The following CSMD3 variants were observed in gnomAD, a reference collection of about 807,000 sequenced individuals.
CSMD3 encodes CUB and sushi domain-containing protein 3.
In CSMD3, 177 loss-of-function variants were observed where a neutral mutation model predicts 435.2. The observed-to-expected ratio is 0.41, with a 90% confidence interval of 0.36 to 0.46. CSMD3 has a LOEUF of 0.46. Ranked by LOEUF, CSMD3 falls within the 20% of genes least tolerant of loss-of-function variation. The probability of loss-of-function intolerance (pLI) is 0.34; values close to 1 mark genes in which losing one functional copy is unlikely to be tolerated. For missense variants in CSMD3, 4,265 were observed against 4,504.6 expected (o/e 0.95, Z 1.52); for synonymous variants, 1,656 against 1,520.5 (o/e 1.09, Z -2.07).
intron 6 of CSMD3, among the ~76,000 whole-genome samples, chr8:112,998,171 A>T (rs2085725763): frequency 6.6e-6 from 1 of 151,814 alleles, no homozygotes; most frequent in Admixed American, 6.6e-5. Flanking sequence ...TTATTCCTTG[A>T]GAATAATTTA....
At chr8:112,537,411 T>G (rs1402936062) in intron 27 of CSMD3, among the ~76,000 whole-genome samples, 1 of 151,420 alleles carries the variant, frequency 6.6e-6, no homozygotes, top group Non-Finnish European at 1.5e-5. Context: ...GAAAAAAAAT[T>G]GAGAGTGAAA....
chr8:113,160,072 CAATA>C (rs2092009299), intron 4 of CSMD3, among the ~76,000 whole-genome samples: 2 of 151,674 alleles, frequency 1.3e-5, no homozygotes, highest in Non-Finnish European at 3.0e-5. Context: ...TTGTAAATAA[CAATA>C]AGTGAGAAAT....
rs550499970 is a variant in CSMD3 at position 112,386,367 on chromosome 8, TA to T, written c.5935-2705del. On this transcript the variant is annotated intron_variant, in intron 36 of 70. Transcript: ENST00000297405. ...ACATTGTGAATGTAGTTTGGCATAATAAAAATATAAAGAGTGTAGAAGCAGA... is the reference window on the plus strand; with the variant it reads ...ACATTGTGAATGTAGTTTGGCATAATAAAATATAAAGAGTGTAGAAGCAGA... Among the ~76,000 whole-genome samples the T allele has an allele frequency of 3.0e-3, 451 of 152,156 alleles. 4 individuals are homozygous for T. Among genetic ancestry groups the T allele is most frequent in the African/African-American group, 0.01 (432 of 41,528 alleles).
At chr8:112,431,173 TATTGAC>T (rs1341465573) in intron 32 of CSMD3, among the ~76,000 whole-genome samples, 1 of 152,130 alleles carries the variant, frequency 6.6e-6, no homozygotes, top group Admixed American at 6.6e-5. Context: ...TACCTCTGGA[TATTGAC>T]ATTGATGTCT....
At chr8:113,382,899 T>G (rs866058687) in intron 1 of CSMD3, among the ~76,000 whole-genome samples, 28 of 152,266 alleles carry the variant, frequency 1.8e-4, no homozygotes, top group African/African-American at 6.3e-4. Flanking sequence ...GAGAATCCCT[T>G]GAACATGGCA....
chr8:112,903,147 T>G (rs2082152628), intron 10 of CSMD3, among the ~76,000 whole-genome samples: 1 of 107,608 alleles, frequency 9.3e-6, no homozygotes, highest in African/African-American at 3.8e-5. Context: ...GGTGGCAGTC[T>G]TGGCAAAAAA....
intron 1 of CSMD3, among the ~76,000 whole-genome samples, chr8:113,393,494 G>T (rs1029887401): frequency 3.9e-5 from 6 of 151,984 alleles, no homozygotes; most frequent in African/African-American, 1.2e-4. Context: ...TCATGATAAG[G>T]TACCTGCCAT....
intron 38 of CSMD3, among the ~76,000 whole-genome samples, chr8:112,380,059 A>G (rs1429609085): frequency 2.6e-5 from 4 of 152,178 alleles, no homozygotes; most frequent in Non-Finnish European, 5.9e-5. Flanking sequence ...GTTGCATAAT[A>G]TTGGACTTAT....
intron 38 of CSMD3, among the ~76,000 whole-genome samples, chr8:112,353,091 C>T (rs1826279431): frequency 6.6e-6 from 1 of 151,798 alleles, no homozygotes. Context: ...TCTGAAGATA[C>T]TATAATCAAA....
chr8:113,397,712 G>A (rs2094490208), intron 1 of CSMD3, among the ~76,000 whole-genome samples: 1 of 151,946 alleles, frequency 6.6e-6, no homozygotes, highest in Non-Finnish European at 1.5e-5. Flanking sequence ...CAGCTACTCG[G>A]GAGGCTGAGG....
intron 10 of CSMD3, among the ~76,000 whole-genome samples, chr8:112,878,750 T>G (rs1045343113): frequency 6.6e-6 from 1 of 151,982 alleles, no homozygotes; most frequent in African/African-American, 2.4e-5. Flanking sequence ...AAAGAATGAG[T>G]TCATGTCCTT....
intron 10 of CSMD3, among the ~76,000 whole-genome samples, chr8:112,883,417 A>G (rs1443786759): frequency 6.6e-6 from 1 of 152,044 alleles, no homozygotes; most frequent in Non-Finnish European, 1.5e-5. Flanking sequence ...CTGATACTTG[A>G]GGGACATGAT....
At chr8:113,384,211 T>C (rs1304738357) in intron 1 of CSMD3, among the ~76,000 whole-genome samples, 1 of 152,194 alleles carries the variant, frequency 6.6e-6, no homozygotes, top group African/African-American at 2.4e-5. Flanking sequence ...CTAACTGAAG[T>C]ATTCTCAAGA....
At chr8:112,275,606 G>A (rs964593190) in intron 59 of CSMD3, among the ~76,000 whole-genome samples, 1 of 152,076 alleles carries the variant, frequency 6.6e-6, no homozygotes, top group Non-Finnish European at 1.5e-5. Context: ...AGTGGCTAGG[G>A]AGGTCTCACA....
rs141272803 is a variant in CSMD3, at chr8:112,287,897, C to T, written c.9149-651G>A. On this transcript the variant is annotated intron_variant, in intron 57 of 70. Transcript: ENST00000297405. ...GATAAGAATATTGCTCATAACTAGG[C>T]GTTCATCTTTTGATTTTAGTGTTAA... Among the ~76,000 whole-genome samples the T allele has an allele frequency of 1.8e-3, 279 of 152,094 alleles. 1 individual carries two copies. Among genetic ancestry groups the T allele is most frequent in the African/African-American group, 6.5e-3 (270 of 41,520 alleles).
intron 1 of CSMD3, among the ~76,000 whole-genome samples, chr8:113,358,697 A>G (rs2094250493): frequency 6.6e-6 from 1 of 152,238 alleles, no homozygotes; most frequent in South Asian, 2.1e-4. Flanking sequence ...AAATTTCTCA[A>G]TGATTAATGA....
chr8:112,701,080 C>T (rs1459496073), intron 13 of CSMD3, among the ~76,000 whole-genome samples: 1 of 152,066 alleles, frequency 6.6e-6, no homozygotes, highest in East Asian at 1.9e-4. Context: ...TTCTTGCTGT[C>T]TTAGAAATAC....
At chr8:113,351,879 C>T (rs1015350371) in intron 1 of CSMD3, among the ~76,000 whole-genome samples, 5 of 152,100 alleles carry the variant, frequency 3.3e-5, no homozygotes, top group African/African-American at 9.7e-5. Flanking sequence ...TTGGAATTTC[C>T]TGCATAGAAG....
At chr8:113,171,372 C>T (rs887286030) in intron 4 of CSMD3, among the ~76,000 whole-genome samples, 1 of 152,028 alleles carries the variant, frequency 6.6e-6, no homozygotes, top group Non-Finnish European at 1.5e-5. Flanking sequence ...CTTTCTGATT[C>T]CAAAGGCTAT....
Sources: gnomAD v4.1 joint callset for allele counts (sites outside exome capture counted in the v4.1 genomes callset) on GRCh38, gnomAD v4.1.1 for gene constraint, MANE v1.5 for transcripts, NCBI Gene and HGNC (gene_info 2026-07-23, HGNC 2026-07-21) for gene names.